SETBP1: variants seen among roughly 807,000 people sequenced by gnomAD.
SETBP1 encodes SET-binding protein.
A neutral mutation model predicts 101.0 loss-of-function variants in SETBP1; 9 were observed. The ratio of observed to expected loss-of-function variants is 0.09; its 90% CI spans 0.05 to 0.16. The LOEUF (loss-of-function observed/expected upper bound fraction) is 0.16. Among genes scored for constraint, SETBP1 ranks in the 10% least tolerant of loss-of-function variants. The pLI, the probability that SETBP1 is intolerant of heterozygous loss-of-function variation, is 1.00. For synonymous variants in SETBP1, 818 were observed against 788.5 expected, an observed-to-expected ratio of 1.04 and a Z score of -0.63; for missense variants, 1,858 against 2,033.8, an observed-to-expected ratio of 0.91 and a Z score of 1.66.
At chr18:44,965,795 G>A (rs1599385717) in intron 4 of SETBP1, among the ~76,000 whole-genome samples, 1 of 152,158 alleles carries the variant, frequency 6.6e-6, no homozygotes. Context: ...TTATAGAGGA[G>A]AATTCTGTTT....
intron 5 of SETBP1, among the ~76,000 whole-genome samples, chr18:45,042,448 A>T (rs1338587745): frequency 1.3e-5 from 2 of 152,154 alleles, no homozygotes; most frequent in Admixed American, 6.5e-5. Flanking sequence ...AATTAAATGG[A>T]AATCATTTGA....
At chr18:45,039,716 G>A (rs2073472346) in intron 5 of SETBP1, among the ~76,000 whole-genome samples, 2 of 152,186 alleles carry the variant, frequency 1.3e-5, no homozygotes, top group African/African-American at 4.8e-5. Flanking sequence ...CCCAAGAAGA[G>A]ACTCATTCTT....
At chr18:44,986,109 A>G (rs2072227059) in intron 4 of SETBP1, 1 of 152,182 alleles carries the variant, frequency 6.6e-6, no homozygotes, top group African/African-American at 2.4e-5. Flanking sequence ...ACTTAGTCAA[A>G]CCTCGATAGG....
intron 2 of SETBP1, among the ~76,000 whole-genome samples, chr18:44,818,616 T>G (rs1177293650): frequency 6.6e-6 from 1 of 152,174 alleles, no homozygotes; most frequent in Non-Finnish European, 1.5e-5. Flanking sequence ...AAATCATGCC[T>G]GCCTACCTCA....
intron 3 of SETBP1, among the ~76,000 whole-genome samples, chr18:44,880,715 G>A (rs908992533): frequency 6.6e-6 from 1 of 152,104 alleles, no homozygotes; most frequent in African/African-American, 2.4e-5. Context: ...GCGAGTAGGG[G>A]CAGAGGTGCC....
chr18:44,797,172 G>A (rs757993857), intron 2 of SETBP1, among the ~76,000 whole-genome samples: 1 of 152,108 alleles, frequency 6.6e-6, no homozygotes, highest in African/African-American at 2.4e-5. Flanking sequence ...TGTTCTTATT[G>A]TATTTTTATA....
intron 5 of SETBP1, among the ~76,000 whole-genome samples, chr18:45,057,803 T>A (rs897010839): frequency 6.6e-6 from 1 of 152,228 alleles, no homozygotes; most frequent in Non-Finnish European, 1.5e-5. Context: ...GTCTTGTACA[T>A]GGGCAAAGTA....
chr18:44,707,734 G>C (rs1003315354), intron 2 of SETBP1, among the ~76,000 whole-genome samples: 6 of 152,208 alleles, frequency 3.9e-5, no homozygotes, highest in African/African-American at 1.4e-4. Flanking sequence ...AGAGAGGTTG[G>C]CATTAGATTG....
At chr18:45,011,549 C>A (rs889065058) in intron 4 of SETBP1, among the ~76,000 whole-genome samples, 2 of 152,244 alleles carry the variant, frequency 1.3e-5, no homozygotes, top group African/African-American at 4.8e-5. Flanking sequence ...GAACAGCCTG[C>A]TCAGCATAAT....
At position 45,063,540 on chromosome 18, in the gene SETBP1, C is replaced by T. The variant is rs753471483; in HGVS notation, c.4633C>T (p.Pro1545Ser). 4.4e-6 allele frequency: 6 copies of T among 1,357,816 alleles called. No homozygotes were observed. The highest frequency in any genetic ancestry group is 1.5e-5 in the African/African-American group (1 of 65,600). 84.1% of individuals were successfully genotyped at this position (1,357,816 alleles called of 1,614,324 possible). The stretch of plus-strand genomic sequence containing the variant: ...ACCCCTGCCCCCGCCACCCCCTCTA[C>T]CCAAGACCCCCCGAGGCGGAAAGAG... The part of the protein sequence containing the change: ...PPPLPPPPPL[P>S]KTPRGGKRKH... Residue 1545 changes from proline (P) to serine (S), a missense_variant, in exon 6 of 6, where the codon CCC becomes TCC. Coordinates refer to ENST00000649279, the MANE Select transcript of SETBP1 (RefSeq NM_015559.3).
chr18:44,713,168 C>T (rs1195512273), intron 2 of SETBP1, among the ~76,000 whole-genome samples: 4 of 151,876 alleles, frequency 2.6e-5, no homozygotes, highest in Non-Finnish European at 2.9e-5. Context: ...CCATGTCAGC[C>T]GGATGGTCTC....
Position 45,066,109 on chromosome 18 carries a change from C to T in SETBP1, c.*2411C>T, listed in dbSNP as rs1363034462. The T allele has an allele frequency of 6.6e-6, 1 of 152,186 alleles. No homozygotes were observed. The highest frequency in any genetic ancestry group is 2.4e-5 in the African/African-American group (1 of 41,452). 9.4% of individuals were successfully genotyped at this position (152,186 alleles called of 1,614,324 possible). ...GGAAGATGAGCTGGCACTCTGCAAA[C>T]TTCTTTAATAAGGACCCAAAGTTTA... On this transcript the variant is annotated 3_prime_UTR_variant, in exon 6 of 6. Coordinates refer to ENST00000649279, the MANE Select transcript of SETBP1 (RefSeq NM_015559.3).
intron 3 of SETBP1, among the ~76,000 whole-genome samples, chr18:44,879,145 G>A (rs2069474988): frequency 6.6e-6 from 1 of 152,202 alleles, no homozygotes; most frequent in Non-Finnish European, 1.5e-5. Flanking sequence ...AATCTTTACA[G>A]CTATAAATAG....
chr18:44,960,800 G>T (rs1285522742), intron 4 of SETBP1, among the ~76,000 whole-genome samples: 3 of 152,018 alleles, frequency 2.0e-5, no homozygotes, highest in Non-Finnish European at 2.9e-5. Context: ...ACTTGTTTAG[G>T]TTGTACCCAC....
intron 2 of SETBP1, among the ~76,000 whole-genome samples, chr18:44,778,410 G>C (rs1307825132): frequency 6.6e-6 from 1 of 152,178 alleles, no homozygotes; most frequent in East Asian, 1.9e-4. Context: ...TTCATCAAAA[G>C]CTTTATCAGT....
In SETBP1 at chr18:44,905,992, A is replaced by G. The variant is rs535005188; in HGVS notation, c.540+36709A>G. Among the ~76,000 whole-genome samples, 7 of 152,320 alleles carry G rather than the reference A, an allele frequency of 4.6e-5. 1 individual carries two copies. In the South Asian group the frequency reaches 8.3e-4, roughly 18 times the overall value. On this transcript the variant is annotated intron_variant, in intron 3 of 5. Transcript: ENST00000649279. ...CCTTACCATAGGTGTCCTCATAGCC[A>G]ACGGTCAGAATCACCTATTGGGCAC...
At chr18:44,824,115 G>C (rs962682116) in intron 2 of SETBP1, among the ~76,000 whole-genome samples, 1 of 152,118 alleles carries the variant, frequency 6.6e-6, no homozygotes, top group Non-Finnish European at 1.5e-5. Context: ...GTGGCTGCCT[G>C]TGTGTGTGTG....
intron 2 of SETBP1, among the ~76,000 whole-genome samples, chr18:44,736,307 A>C (rs1041156565): frequency 6.6e-6 from 1 of 152,178 alleles, no homozygotes; most frequent in African/African-American, 2.4e-5. Flanking sequence ...TGAGCCTGGG[A>C]GGTCGAGGCT....
chr18:44,926,927 G>A (rs1187593793), intron 3 of SETBP1, among the ~76,000 whole-genome samples: 1 of 152,136 alleles, frequency 6.6e-6, no homozygotes, highest in Non-Finnish European at 1.5e-5. Flanking sequence ...TCAGCAAAGT[G>A]TATGGGCTTG....
Sources: gnomAD v4.1 joint callset for allele counts (sites outside exome capture counted in the v4.1 genomes callset) on GRCh38, gnomAD v4.1.1 for gene constraint, MANE v1.5 for transcripts, NCBI Gene and HGNC (gene_info 2026-07-23, HGNC 2026-07-21) for gene names.